Variants in IMPDH1 observed in about 807,000 individuals in gnomAD.
IMPDH1 encodes inosine-5'-monophosphate dehydrogenase 1.
IMPDH1 carries 41 observed loss-of-function variants against 73.5 expected under a neutral mutation model. The observed-to-expected ratio is 0.56, with a 90% CI of 0.43 to 0.72. The LOEUF (loss-of-function observed/expected upper bound fraction) is 0.72. Among genes scored for constraint, IMPDH1 ranks in the 30% least tolerant of loss-of-function variants. The probability of loss-of-function intolerance (pLI) is 0.00; values close to 1 mark genes in which losing one functional copy is unlikely to be tolerated. For synonymous variants in IMPDH1, 318 were observed against 334.3 expected, an observed-to-expected ratio of 0.95 and a Z score of 0.53; for missense variants, 645 against 824.8, an observed-to-expected ratio of 0.78 and a Z score of 2.67.
Position 128,396,263 on chromosome 7 carries a change from TGTC to T in IMPDH1, c.1261+334_1261+336del, listed in dbSNP as rs1797906134. ...ACATATCTTTATATATTCAGGGACA[TGTC>T]GTCTCTGTGTCTTAAATATCTGCCT... is the stretch of plus-strand genomic sequence containing the variant. On this transcript the variant is annotated intron_variant, in intron 12 of 16. Coordinates refer to ENST00000338791, the MANE Select transcript of IMPDH1 (RefSeq NM_000883.4). This position sits in a 1 kb window ranked among gnomAD's most constrained non-coding sequence, Gnocchi z 4.0. 6.6e-6 allele frequency among the ~76,000 whole-genome samples: 1 copy of T among 152,200 alleles called. No individual in the cohort carries two copies. The highest frequency in any genetic ancestry group is 1.5e-5 in the Non-Finnish European group (1 of 68,030).
chr7:128,398,152 G>A lies in IMPDH1; in HGVS notation c.1074+262C>T, dbSNP rs1293033409. On this transcript the variant is annotated intron_variant, in intron 10 of 16. Transcript: ENST00000338791. This position sits in a 1 kb window ranked among gnomAD's most constrained non-coding sequence, Gnocchi z 4.3. ...TCTCAGATGACACAAACCATTGTTT[G>A]TTTTTTGAGAAAGGGTCTCGTTCTG... is the stretch of plus-strand genomic sequence containing the variant. 6.6e-6 allele frequency among the ~76,000 whole-genome samples: 1 copy of A among 152,178 alleles called. No individual in the cohort carries two copies. The highest frequency in any genetic ancestry group is 1.5e-5 in the Non-Finnish European group (1 of 68,036).
chr7:128,397,946 C>T (rs1798045047), intron 10 of IMPDH1, among the ~76,000 whole-genome samples: 2 of 151,914 alleles, frequency 1.3e-5, no homozygotes. Flanking sequence ...AACATGTGTA[C>T]TCTCTGTTTA....
intron 10 of IMPDH1, among the ~76,000 whole-genome samples, chr7:128,397,868 C>T (rs1393402449): frequency 6.6e-6 from 1 of 152,150 alleles, no homozygotes; most frequent in African/African-American, 2.4e-5. Context: ...GCCAATTTTT[C>T]ATCCTTCGTT....
rs368190649 is a variant in IMPDH1 at position 128,398,563 on chromosome 7, G to A, written c.925C>T (p.Arg309Cys). The part of the protein sequence containing the change: ...DCDELVAIIA[R>C]TDLKKNRDYP... ...TCTCGGTTCTTCTTCAGGTCGGTGC[G>A]GGCGATGATGGCCACCAGCTCATCG... The change falls in exon 10 of 17, where the codon CGC becomes TGC. Residue 309 changes from arginine to cysteine, a missense_variant. By Grantham distance (180) the Arg-to-Cys change is radical (BLOSUM62 -3). Around this residue, in one of 2 missense-constraint regions of IMPDH1, gnomAD observed 459 missense variants for 638.2 expected, o/e 0.72. Transcript: ENST00000338791. The surrounding 1 kb of genome is among the most constrained non-coding windows in gnomAD (Gnocchi z 4.3). 6.8e-6 allele frequency: 11 copies of A among 1,612,470 alleles called. No individual in the cohort carries two copies. The highest frequency in any genetic ancestry group is 3.3e-5 in the Admixed American group (2 of 59,946).
At position 128,409,798 on chromosome 7, in the gene IMPDH1, C is replaced by T. The variant is rs1390563404; in HGVS notation, c.104G>A (p.Arg35Gln). 2.7e-6 allele frequency: 4 copies of T among 1,502,618 alleles called. No individual in the cohort carries two copies. In the Admixed American group the frequency reaches 8.5e-5, roughly 32 times the overall value. 93.1% of individuals were successfully genotyped at this position (1,502,618 alleles called of 1,614,324 possible). Residue 35 changes from arginine (R) to glutamine (Q), a missense_variant, in exon 1 of 17, where the codon CGG becomes CAG. Physicochemically the swap from Arg to Gln is conservative, Grantham distance 43 (BLOSUM62 1). Transcript: ENST00000338791. ...GGCCTGCAGCAGTCGGGCGCTGTACCGCTGCGCCGCCGTCTCGTGTCCCGG... is the reference window on the plus strand; with the variant it reads ...GGCCTGCAGCAGTCGGGCGCTGTACTGCTGCGCCGCCGTCTCGTGTCCCGG... Reference protein sequence around the residue: ...QHPGHETAAQRYSARLLQAGY... With the variant: ...QHPGHETAAQQYSARLLQAGY...
Position 128,394,289 on chromosome 7 carries a change from A to C in IMPDH1, c.1767T>G (p.His589Gln), listed in dbSNP as rs776562088. 2 of 1,614,008 alleles carry C rather than the reference A, an allele frequency of 1.2e-6. No individual in the cohort carries two copies. Among genetic ancestry groups the C allele is most frequent in the South Asian group, 2.2e-5 (2 of 91,082 alleles). Residue 589 changes from histidine (H) to glutamine (Q), a missense_variant, in exon 16 of 17, where the codon CAT becomes CAG. By Grantham distance (24) the His-to-Gln change is conservative (BLOSUM62 0). This residue lies in a region of IMPDH1 where 459 missense variants were observed against 638.2 expected (regional missense o/e 0.72). Coordinates refer to ENST00000338791, the MANE Select transcript of IMPDH1 (RefSeq NM_000883.4). This position sits in a 1 kb window ranked among gnomAD's most constrained non-coding sequence, Gnocchi z 5.5. ...TMSAQIEGGV[H>Q]GLHSYEKRLY ...GCCACCACACTTACGAGTGCAGGCC[A>C]TGGACACCACCCTCAATCTGGGCCG...
At chr7:128,401,217 A>G (rs1250231350) in intron 5 of IMPDH1, 101 bp from the exon 6 acceptor site, 1 of 817,764 alleles carries the variant, frequency 1.2e-6, no homozygotes, top group East Asian at 2.5e-5. Context: ...CCCTGGGGAC[A>G]TGGCAGTGAA....
Position 128,394,660 on chromosome 7 carries a change from T to C in IMPDH1, c.1551-61A>G. On this transcript the variant is annotated intron_variant, in intron 14 of 16. Transcript: ENST00000338791. This position sits in a 1 kb window ranked among gnomAD's most constrained non-coding sequence, Gnocchi z 5.5. ...GAAGCTCAGAGGACCCCACCCCACC[T>C]CTTAAGGGCAAAAACGGGATACCGC... The C allele has an allele frequency of 6.3e-7, 1 of 1,599,056 alleles. No homozygotes were observed. Among genetic ancestry groups the C allele is most frequent in the Non-Finnish European group, 8.5e-7 (1 of 1,171,618 alleles).
At chr7:128,402,153 A>G (rs1179277575) in intron 5 of IMPDH1, among the ~76,000 whole-genome samples, 1 of 151,628 alleles carries the variant, frequency 6.6e-6, no homozygotes, top group Non-Finnish European at 1.5e-5. Flanking sequence ...CCCAGGCTAG[A>G]GTACAGTAGT....
Position 128,394,413 on chromosome 7 carries a change from C to A in IMPDH1, c.1694+43G>T, listed in dbSNP as rs72624969. 4 of 1,613,538 alleles carry A rather than the reference C, an allele frequency of 2.5e-6. No individual in the cohort carries two copies. The highest frequency in any genetic ancestry group is 2.5e-6 in the Non-Finnish European group (3 of 1,179,806). On this transcript the variant is annotated intron_variant, in intron 15 of 16. Coordinates refer to ENST00000338791, the MANE Select transcript of IMPDH1 (RefSeq NM_000883.4). The surrounding 1 kb of genome is among the most constrained non-coding windows in gnomAD (Gnocchi z 5.5). ...CAGGGCCACCAAGGGTGGAGAAGAGCGAGAGAAAGGAAGCAGGAGCCACCC... is the reference window on the plus strand; with the variant it reads ...CAGGGCCACCAAGGGTGGAGAAGAGAGAGAGAAAGGAAGCAGGAGCCACCC...
At position 128,396,808 on chromosome 7, in the gene IMPDH1, G is replaced by A; in HGVS notation, c.1166-113C>T. ...CCCCAACCCCCCTACAGTGACCAAAGCCCATCATGCTCCCTGCCACCCATG... is the reference window on the plus strand; with the variant it reads ...CCCCAACCCCCCTACAGTGACCAAAACCCATCATGCTCCCTGCCACCCATG... On this transcript the variant is annotated intron_variant, in intron 11 of 16. Transcript: ENST00000338791. This position sits in a 1 kb window ranked among gnomAD's most constrained non-coding sequence, Gnocchi z 4.0. 5.3e-6 allele frequency: 6 copies of A among 1,139,536 alleles called. No individual in the cohort carries two copies. Among genetic ancestry groups the A allele is most frequent in the Non-Finnish European group, 7.8e-6 (6 of 772,750 alleles). 70.6% of individuals were successfully genotyped at this position (1,139,536 alleles called of 1,614,324 possible).
chr7:128,408,783 A>G (rs974476557), intron 3 of IMPDH1, among the ~76,000 whole-genome samples: 8 of 152,180 alleles, frequency 5.3e-5, no homozygotes, highest in Admixed American at 3.3e-4. Flanking sequence ...CAGGAGCTGG[A>G]TTTCTAGGAC....
At position 128,398,751 on chromosome 7, in the gene IMPDH1, C is replaced by T. The variant is rs753753374; in HGVS notation, c.875-138G>A. 1.4e-4 allele frequency: 98 copies of T among 688,168 alleles called. No individual in the cohort carries two copies. Among genetic ancestry groups the T allele is most frequent in the Middle Eastern group, 1.2e-3 (4 of 3,392 alleles). The allele number at this position is 688,168 out of a possible 1,614,324, so 42.6% of individuals were successfully genotyped here. A position where few individuals can be genotyped will look rare whatever the true frequency, so the allele number is the denominator to read the frequency against. Reference sequence around the variant, plus strand: ...CCAGTCAGCCACTAGGTGACAGCACCGCCCCCAGGAAGTGTTCCTAGGGAC... The same window carrying T: ...CCAGTCAGCCACTAGGTGACAGCACTGCCCCCAGGAAGTGTTCCTAGGGAC... On this transcript the variant is annotated intron_variant, in intron 9 of 16. Coordinates refer to ENST00000338791, the MANE Select transcript of IMPDH1 (RefSeq NM_000883.4). This position sits in a 1 kb window ranked among gnomAD's most constrained non-coding sequence, Gnocchi z 4.3.
rs920925765 is a variant in IMPDH1, at chr7:128,400,880, A to C, written c.516T>G (p.Gly172=). 6.2e-7 allele frequency: 1 copy of C among 1,613,644 alleles called. No homozygotes were observed. Among genetic ancestry groups the C allele is most frequent in the Non-Finnish European group, 8.5e-7 (1 of 1,179,834 alleles). Residue 172 remains glycine, a synonymous_variant, in exon 7 of 17, where the codon GGT becomes GGG. Transcript: ENST00000338791. ...DMAIAMALMG[G]IGFIHHNCTP... is the part of the protein sequence containing the mutation. ...TGCAGTTGTGGTGAATGAAACCAAT[A>C]CCTCCCATCAGCTGATGTAGAAGGG...
Position 128,392,926 on chromosome 7 carries a change from A to T in IMPDH1, c.*81T>A. On this transcript the variant is annotated 3_prime_UTR_variant, in exon 17 of 17. Transcript: ENST00000338791. ...AACCCGTAGTGCAAATCTGTGGACCACTCAGTTATGGAGGGAGGCTGTGCC... is the reference window on the plus strand; with the variant it reads ...AACCCGTAGTGCAAATCTGTGGACCTCTCAGTTATGGAGGGAGGCTGTGCC... The T allele has an allele frequency of 7.2e-7, 1 of 1,384,234 alleles. No homozygotes were observed. The highest frequency in any genetic ancestry group is 2.3e-5 in the East Asian group (1 of 43,878). The allele number at this position is 1,384,234 out of a possible 1,614,324, so 85.7% of individuals were successfully genotyped here.
intron 5 of IMPDH1, among the ~76,000 whole-genome samples, chr7:128,403,382 AC>A (rs1326535244): frequency 6.6e-6 from 1 of 151,992 alleles, no homozygotes; most frequent in Non-Finnish European, 1.5e-5. Flanking sequence ...ACATGGTGAA[AC>A]CCCGTCTCCA....
rs1356993151 is a variant in IMPDH1, at chr7:128,396,213, A to AACC, written c.1261+384_1261+386dup. Among the ~76,000 whole-genome samples the AACC allele has an allele frequency of 6.6e-6, 1 of 152,216 alleles. No individual in the cohort carries two copies. Among genetic ancestry groups the AACC allele is most frequent in the African/African-American group, 2.4e-5 (1 of 41,456 alleles). On this transcript the variant is annotated intron_variant, in intron 12 of 16. Coordinates refer to ENST00000338791, the MANE Select transcript of IMPDH1 (RefSeq NM_000883.4). This position sits in a 1 kb window ranked among gnomAD's most constrained non-coding sequence, Gnocchi z 4.0. ...TAATTGGGTGGAACTCCCCACGCCC[A>AACC]ACCACATGGTGAAGCAGGTGTATAA...
rs1352184654 is a variant in IMPDH1, at chr7:128,394,402, G to A, written c.1695-41C>T. On this transcript the variant is annotated intron_variant, in intron 15 of 16. Transcript: ENST00000338791. The surrounding 1 kb of genome is among the most constrained non-coding windows in gnomAD (Gnocchi z 5.5). Reference sequence around the variant, plus strand: ...GTGGAGCAGATCAGGGCCACCAAGGGTGGAGAAGAGCGAGAGAAAGGAAGC... The same window carrying A: ...GTGGAGCAGATCAGGGCCACCAAGGATGGAGAAGAGCGAGAGAAAGGAAGC... The A allele has an allele frequency of 1.1e-5, 17 of 1,613,702 alleles. No homozygotes were observed. Among genetic ancestry groups the A allele is most frequent in the Non-Finnish European group, 1.4e-5 (17 of 1,179,666 alleles).
At chr7:128,409,035 A>C (rs767991547) in intron 3 of IMPDH1, among the ~76,000 whole-genome samples, 1 of 152,216 alleles carries the variant, frequency 6.6e-6, no homozygotes, top group Non-Finnish European at 1.5e-5. Context: ...GCAGAGAAAG[A>C]AGTCCAAATC....
Sources: gnomAD v4.1 joint callset for allele counts (sites outside exome capture counted in the v4.1 genomes callset) on GRCh38, gnomAD v4.1.1 for gene constraint, gnomAD v4.1.1 regional missense constraint, Gnocchi (gnomAD v3.1) non-coding constraint, MANE v1.5 for transcripts, NCBI Gene and HGNC (gene_info 2026-07-23, HGNC 2026-07-21) for gene names.